Variants in MARCHF3 observed in about 807,000 individuals in gnomAD.
MARCHF3 encodes the protein membrane associated ring-CH-type finger 3.
Under a neutral mutation model 24.2 loss-of-function variants are expected in MARCHF3, and 13 were observed. That is an observed-to-expected ratio of 0.54 (90% CI 0.35 to 0.85). The LOEUF is 0.85. Among genes scored for constraint, MARCHF3 ranks in the 40% least tolerant of loss-of-function variants. The pLI, the probability that MARCHF3 is intolerant of heterozygous loss-of-function variation, is 0.01. For synonymous variants in MARCHF3, 144 were observed against 137.3 expected (o/e 1.05, Z -0.34); for missense variants, 276 against 325.0 (o/e 0.85, Z 1.16).
At chr5:126,947,783 C>A (rs554139204) in intron 1 of MARCHF3, among the ~76,000 whole-genome samples, 1 of 152,170 alleles carries the variant, frequency 6.6e-6, no homozygotes, top group Admixed American at 6.5e-5. Flanking sequence ...CCTACCTCAC[C>A]CTGGCCAATC....
At chr5:126,998,862 T>A (rs1180752225) in intron 1 of MARCHF3, among the ~76,000 whole-genome samples, 1 of 152,202 alleles carries the variant, frequency 6.6e-6, no homozygotes, top group Non-Finnish European at 1.5e-5. Context: ...TGTCTGTGGA[T>A]GTTACCTAAA....
Position 126,986,606 on chromosome 5 carries a change from A to G in MARCHF3, c.-57+43744T>C, listed in dbSNP as rs952734457. Among the ~76,000 whole-genome samples, 17 of 152,256 alleles carry G rather than the reference A, an allele frequency of 1.1e-4. 1 individual carries two copies. The highest frequency in any genetic ancestry group is 1.0e-3 in the Admixed American group (16 of 15,288). On this transcript the variant is annotated intron_variant, in intron 1 of 4. Transcript: ENST00000308660. The stretch of plus-strand genomic sequence containing the variant: ...ATAACATGAATATATAAAAAACTCT[A>G]AATAAGTACAATGAGATAGATACCC...
chr5:127,021,828 A>T (rs1365783645), intron 1 of MARCHF3, among the ~76,000 whole-genome samples: 1 of 152,250 alleles, frequency 6.6e-6, no homozygotes, highest in Non-Finnish European at 1.5e-5. Context: ...GAAAAAAGTG[A>T]CAAATGTTGA....
At chr5:126,959,310 CTATT>C (rs1750563204) in intron 1 of MARCHF3, among the ~76,000 whole-genome samples, 1 of 152,124 alleles carries the variant, frequency 6.6e-6, no homozygotes, top group Non-Finnish European at 1.5e-5. Flanking sequence ...TAATCCCAGT[CTATT>C]TATGTGAAAA....
At chr5:126,974,492 GA>G (rs967389501) in intron 1 of MARCHF3, among the ~76,000 whole-genome samples, 7 of 151,704 alleles carry the variant, frequency 4.6e-5, no homozygotes, top group African/African-American at 1.7e-4. Flanking sequence ...GAGGCAGAGG[GA>G]AAAAAAAGTA....
chr5:126,959,014 T>C (rs1268944104), intron 1 of MARCHF3, among the ~76,000 whole-genome samples: 1 of 152,196 alleles, frequency 6.6e-6, no homozygotes, highest in East Asian at 1.9e-4. Flanking sequence ...GACAAATCTC[T>C]TGTGCAGATG....
intron 1 of MARCHF3, among the ~76,000 whole-genome samples, chr5:126,997,485 T>A (rs188081932): frequency 6.6e-6 from 1 of 152,308 alleles, no homozygotes; most frequent in East Asian, 1.9e-4. Context: ...GATGGCAGAA[T>A]GCTGCCTGAG....
chr5:126,976,428 T>C (rs751854929), intron 1 of MARCHF3, among the ~76,000 whole-genome samples: 3 of 152,238 alleles, frequency 2.0e-5, no homozygotes, highest in Non-Finnish European at 4.4e-5. Context: ...CCTCTGCTAC[T>C]TGGTCTCCAG....
At chr5:126,963,257 CA>C (rs940366133) in intron 1 of MARCHF3, among the ~76,000 whole-genome samples, 4 of 152,046 alleles carry the variant, frequency 2.6e-5, no homozygotes, top group African/African-American at 4.8e-5. Context: ...TGAATTGTTA[CA>C]AAAATATTTT....
At chr5:127,026,849 A>G (rs1561479581) in intron 1 of MARCHF3, among the ~76,000 whole-genome samples, 1 of 152,222 alleles carries the variant, frequency 6.6e-6, no homozygotes, top group Non-Finnish European at 1.5e-5. Context: ...TTACTCTGTA[A>G]AAGTTCCAGT....
intron 1 of MARCHF3, among the ~76,000 whole-genome samples, chr5:127,020,835 C>T (rs7722206): frequency 0.013 from 1,978 of 151,386 alleles, 41 homozygotes; most frequent in African/African-American, 0.042. Context: ...GGCAACACGG[C>T]GAGACCTTGT....
chr5:126,919,214 A>G (rs1335953593), intron 1 of MARCHF3, among the ~76,000 whole-genome samples: 1 of 152,140 alleles, frequency 6.6e-6, no homozygotes, highest in Non-Finnish European at 1.5e-5. Context: ...GGAGTGAGGA[A>G]CTCCACTGGA....
At chr5:126,874,720 C>A (rs1298653636) in intron 4 of MARCHF3, among the ~76,000 whole-genome samples, 1 of 152,120 alleles carries the variant, frequency 6.6e-6, no homozygotes, top group East Asian at 1.9e-4. Context: ...GCCTCCTCAG[C>A]AATGTGCCCA....
intron 2 of MARCHF3, among the ~76,000 whole-genome samples, chr5:126,915,542 CAT>C (rs1754697129): frequency 6.6e-6 from 1 of 152,230 alleles, no homozygotes; most frequent in Admixed American, 6.5e-5. Context: ...GACATGTTTG[CAT>C]ATCCAGAGGT....
chr5:126,943,171 G>A (rs1749889435), intron 1 of MARCHF3, among the ~76,000 whole-genome samples: 1 of 152,182 alleles, frequency 6.6e-6, no homozygotes, highest in East Asian at 1.9e-4. Context: ...GCAGGCGCCT[G>A]TAATCCCAGC....
chr5:126,989,328 CTACTACTACTAA>C (rs749191490), intron 1 of MARCHF3, among the ~76,000 whole-genome samples: 3,536 of 149,238 alleles, frequency 0.024, 80 homozygotes, highest in South Asian at 0.11. Context: ...ACTACTACTA[CTACTACTACTAA>C]TAATAATAAT....
At chr5:127,015,640 A>C (rs186701004) in intron 1 of MARCHF3, among the ~76,000 whole-genome samples, 1 of 152,340 alleles carries the variant, frequency 6.6e-6, no homozygotes, top group Admixed American at 6.5e-5. Context: ...ATCTGAGGTA[A>C]AGCTATTTTT....
chr5:126,869,398 T>G lies in MARCHF3; in HGVS notation c.*1235A>C, dbSNP rs1752885966. The G allele has an allele frequency of 6.6e-6, 1 of 152,108 alleles. No individual in the cohort carries two copies. The allele number at this position is 152,108 out of a possible 1,614,324, so 9.4% of individuals were successfully genotyped here. On this transcript the variant is annotated 3_prime_UTR_variant, in exon 5 of 5. Transcript: ENST00000308660. ...CGCTCCTGCCTCGGTGCGCGCACAATGCAGGCTGCGGATCAGACCCTTTAC... is the reference window on the plus strand; with the variant it reads ...CGCTCCTGCCTCGGTGCGCGCACAAGGCAGGCTGCGGATCAGACCCTTTAC...
chr5:126,909,364 G>A (rs549919323), intron 3 of MARCHF3, among the ~76,000 whole-genome samples: 86 of 152,306 alleles, frequency 5.6e-4, no homozygotes, highest in Non-Finnish European at 7.5e-4. Context: ...CAAGCTTCCC[G>A]GCTGCTTTGT....
Sources: gnomAD v4.1 joint callset for allele counts (sites outside exome capture counted in the v4.1 genomes callset) on GRCh38, gnomAD v4.1.1 for gene constraint, MANE v1.5 for transcripts, NCBI Gene and HGNC (gene_info 2026-07-23, HGNC 2026-07-21) for gene names.